Variants in PCDHGA5 observed in about 807,000 individuals in gnomAD.
The protein encoded by PCDHGA5 is protocadherin gamma-A5.
PCDHGA5 carries 36 observed loss-of-function variants against 56.7 expected under a neutral mutation model. That is an observed-to-expected ratio of 0.64 (90% CI 0.49 to 0.84). The LOEUF (loss-of-function observed/expected upper bound fraction) is 0.84. Among genes scored for constraint, PCDHGA5 ranks in the 40% least tolerant of loss-of-function variants. The probability of loss-of-function intolerance (pLI) is 0.00; values close to 1 mark genes in which losing one functional copy is unlikely to be tolerated. For synonymous variants in PCDHGA5, 563 were observed against 520.2 expected, an observed-to-expected ratio of 1.08 and a Z score of -1.12; for missense variants, 1,305 against 1,201.5, an observed-to-expected ratio of 1.09 and a Z score of -1.27.
chr5:141,403,068 C>T, intron 1 of PCDHGA5: 1 of 1,614,064 alleles, frequency 6.2e-7, no homozygotes, highest in South Asian at 1.1e-5. Flanking sequence ...CCTGAAGAGA[C>T]AGAAAAGGGC....
At position 141,491,265 on chromosome 5, in the gene PCDHGA5, C is replaced by G. The variant is rs868682993; in HGVS notation, c.2422-3542C>G. ...AGGATGAGGACCCTGAGGAAATGCCCAAATCCAGTGACTTCCTCATACACC... is the reference window on the plus strand; with the variant it reads ...AGGATGAGGACCCTGAGGAAATGCCGAAATCCAGTGACTTCCTCATACACC... On this transcript the variant is annotated intron_variant, in intron 1 of 3. Transcript: ENST00000518069. The surrounding 1 kb of genome is among the most constrained non-coding windows in gnomAD (Gnocchi z 6.9). The G allele has an allele frequency of 6.2e-7, 1 of 1,614,074 alleles. No individual in the cohort carries two copies. The highest frequency in any genetic ancestry group is 8.5e-7 in the Non-Finnish European group (1 of 1,179,916).
intron 1 of PCDHGA5, chr5:141,427,265 C>T (rs767369457): frequency 6.1e-5 from 28 of 456,570 alleles, no homozygotes; most frequent in Non-Finnish European, 1.1e-4. Context: ...GCATGACCAG[C>T]GAATGTAAAA....
chr5:141,497,740 C>T (rs954595046), intron 2 of PCDHGA5, among the ~76,000 whole-genome samples: 1 of 152,054 alleles, frequency 6.6e-6, no homozygotes, highest in South Asian at 2.1e-4. Context: ...GGTTTCGCCA[C>T]GTTGGCCAGG....
rs147783721 is a variant in PCDHGA5 at position 141,404,989 on chromosome 5, G to A, written c.2421+38238G>A. 5 of 1,614,046 alleles carry A rather than the reference G, an allele frequency of 3.1e-6. No homozygotes were observed. The South Asian group carries it at 4.4e-5, about 14-fold the overall frequency. On this transcript the variant is annotated intron_variant, in intron 1 of 3. Coordinates refer to ENST00000518069, the MANE Select transcript of PCDHGA5 (RefSeq NM_018918.3). The stretch of plus-strand genomic sequence containing the variant: ...TCCTGGCTGACCTGGGCAGTCTTCA[G>A]ATCCCTGCAGACCTGGAGGCCTCAG...
chr5:141,384,804 A>C (rs1780531756), intron 1 of PCDHGA5: 1 of 1,613,332 alleles, frequency 6.2e-7, no homozygotes, highest in Non-Finnish European at 8.5e-7. Flanking sequence ...TGCTGGACAG[A>C]GATGCCCTCA....
chr5:141,437,037 A>G (rs1410732155), intron 1 of PCDHGA5, among the ~76,000 whole-genome samples: 2 of 152,264 alleles, frequency 1.3e-5, no homozygotes, highest in Admixed American at 1.3e-4. Flanking sequence ...TGGATCACCG[A>G]AACCAGAAGG....
chr5:141,374,846 C>G, intron 1 of PCDHGA5: 1 of 1,613,842 alleles, frequency 6.2e-7, no homozygotes, highest in Non-Finnish European at 8.5e-7. Context: ...TCCTGAAAAC[C>G]TGCCAGTAGG....
At chr5:141,510,518 G>A (rs904482737) in intron 3 of PCDHGA5, among the ~76,000 whole-genome samples, 9 of 152,112 alleles carry the variant, frequency 5.9e-5, no homozygotes, top group Non-Finnish European at 1.0e-4. Flanking sequence ...CCGTGTCACA[G>A]CCCTGAGAGA....
At position 141,399,508 on chromosome 5, in the gene PCDHGA5, A is replaced by C. The variant is rs780948105; in HGVS notation, c.2421+32757A>C. ...CTACTTAGTCAGTGTACCCGAAAAC[A>C]ACCCTCCTGGGGCCTCCATCGCGCA... On this transcript the variant is annotated intron_variant, in intron 1 of 3. Coordinates refer to ENST00000518069, the MANE Select transcript of PCDHGA5 (RefSeq NM_018918.3). 3.2e-5 allele frequency: 51 copies of C among 1,613,904 alleles called. No homozygotes were observed. In the African/African-American group the frequency reaches 6.7e-4, roughly 21 times the overall value.
Position 141,365,094 on chromosome 5 carries a change from T to C in PCDHGA5, c.764T>C (p.Ile255Thr). ...SEYSVSVPEN[I>T]PVGTRLLMLT... ...TACAGCGTGAGTGTTCCAGAGAACA[T>C]ACCTGTGGGCACTCGGCTGCTCATG... Residue 255 changes from isoleucine to threonine, a missense_variant, in exon 1 of 4, where the codon ATA (isoleucine) becomes ACA (threonine). Coordinates refer to ENST00000518069, the MANE Select transcript of PCDHGA5 (RefSeq NM_018918.3). 4 of 1,613,786 alleles carry C rather than the reference T, an allele frequency of 2.5e-6. No homozygotes were observed. The highest frequency in any genetic ancestry group is 2.2e-5 in the East Asian group (1 of 44,872).
At chr5:141,418,441 A>T in intron 1 of PCDHGA5, 2 of 1,614,000 alleles carry the variant, frequency 1.2e-6, no homozygotes, top group East Asian at 4.5e-5. Flanking sequence ...ATCCAGAATT[A>T]GTATTGCAGA....
intron 1 of PCDHGA5, chr5:141,376,676 G>GTTTTTTTTTTTTTTTTTTTTTTTT (rs67197835): frequency 1.1e-5 from 3 of 275,812 alleles, no homozygotes; most frequent in African/African-American, 3.7e-5. Flanking sequence ...TGAGGGTATC[G>GTTTTTTTTTTTTTTTTTTTTTTTT]TTTTTTTTTT....
chr5:141,423,680 C>T (rs2096766182), intron 1 of PCDHGA5: 1 of 1,479,088 alleles, frequency 6.8e-7, no homozygotes, highest in African/African-American at 1.5e-5. Context: ...ATTTCTCTGC[C>T]TCCTAATTGT....
chr5:141,461,323 T>C (rs2099013372), intron 1 of PCDHGA5, among the ~76,000 whole-genome samples: 1 of 152,176 alleles, frequency 6.6e-6, no homozygotes, highest in African/African-American at 2.4e-5. Context: ...TTTTTAATAA[T>C]GGCCATTCTT....
intron 1 of PCDHGA5, chr5:141,367,435 G>A (rs578251021): frequency 6.6e-6 from 1 of 152,322 alleles, no homozygotes; most frequent in African/African-American, 2.4e-5. Flanking sequence ...TACTCGGAAG[G>A]CTGAGGCAGG....
At position 141,431,258 on chromosome 5, in the gene PCDHGA5, C is replaced by G. The variant is rs754250241; in HGVS notation, c.2422-63549C>G. 6.2e-6 allele frequency: 10 copies of G among 1,614,186 alleles called. No individual in the cohort carries two copies. The highest frequency in any genetic ancestry group is 1.6e-4 in the Middle Eastern group (1 of 6,062). ...GGATCCGGATATCGGGAAGAACTCT[C>G]TGCAGAGCTACGAGCTCAGCCCGAA... On this transcript the variant is annotated intron_variant, in intron 1 of 3. Transcript: ENST00000518069. This position sits in a 1 kb window ranked among gnomAD's most constrained non-coding sequence, Gnocchi z 4.8.
At chr5:141,421,702 A>G (rs2096594027) in intron 1 of PCDHGA5, 1 of 1,613,950 alleles carries the variant, frequency 6.2e-7, no homozygotes, top group Non-Finnish European at 8.5e-7. Context: ...TCCTAATGCT[A>G]GGGATCCAGA....
Position 141,476,836 on chromosome 5 carries a change from T to G in PCDHGA5, c.2422-17971T>G. 1 of 1,613,652 alleles carries G rather than the reference T, an allele frequency of 6.2e-7. No homozygotes were observed. The highest frequency in any genetic ancestry group is 8.5e-7 in the Non-Finnish European group (1 of 1,180,042). On this transcript the variant is annotated intron_variant, in intron 1 of 3. Coordinates refer to ENST00000518069, the MANE Select transcript of PCDHGA5 (RefSeq NM_018918.3). The surrounding 1 kb of genome is among the most constrained non-coding windows in gnomAD (Gnocchi z 7.6). ...TCAAGGTGCTGGACGCGAATGACAATGCGCCTGTCTTCAACCAGTCCTTGT... is the reference window on the plus strand; with the variant it reads ...TCAAGGTGCTGGACGCGAATGACAAGGCGCCTGTCTTCAACCAGTCCTTGT...
intron 1 of PCDHGA5, chr5:141,394,262 G>A: frequency 6.2e-7 from 1 of 1,613,952 alleles, no homozygotes; most frequent in Non-Finnish European, 8.5e-7. Flanking sequence ...ACAGCCAGGA[G>A]AATGCCCAGG....
Sources: gnomAD v4.1 joint callset for allele counts (sites outside exome capture counted in the v4.1 genomes callset) on GRCh38, gnomAD v4.1.1 for gene constraint, Gnocchi (gnomAD v3.1) non-coding constraint, MANE v1.5 for transcripts, NCBI Gene and HGNC (gene_info 2026-07-23, HGNC 2026-07-21) for gene names.